GUCY1A2: variants seen among roughly 807,000 people sequenced by gnomAD.
GUCY1A2 encodes the protein guanylate cyclase soluble subunit alpha-2.
A neutral mutation model predicts 63.5 loss-of-function variants in GUCY1A2; 27 were observed. The observed-to-expected ratio is 0.43, with a 90% CI of 0.31 to 0.59. The LOEUF (loss-of-function observed/expected upper bound fraction) is 0.59, where lower values mean the gene tolerates loss of function less well. Ranked by LOEUF, GUCY1A2 falls within the 20% of genes least tolerant of loss-of-function variation. GUCY1A2 has a pLI of 0.11. For synonymous variants in GUCY1A2, 364 were observed against 343.5 expected (o/e 1.06, Z -0.66); for missense variants, 768 against 913.3 (o/e 0.84, Z 2.05).
At chr11:106,762,707 AAT>A (rs1414751081) in intron 6 of GUCY1A2, among the ~76,000 whole-genome samples, 5 of 152,064 alleles carry the variant, frequency 3.3e-5, no homozygotes, top group African/African-American at 1.2e-4. Context: ...TCCCTCTGAA[AAT>A]ATTTTAATTG....
chr11:106,861,929 A>G (rs985456721), intron 4 of GUCY1A2, among the ~76,000 whole-genome samples: 1 of 152,068 alleles, frequency 6.6e-6, no homozygotes, highest in African/African-American at 2.4e-5. Context: ...TAATGGTGAA[A>G]AGAGGAAAAC....
At chr11:106,955,392 T>C (rs1244802709) in intron 3 of GUCY1A2, among the ~76,000 whole-genome samples, 1 of 152,204 alleles carries the variant, frequency 6.6e-6, no homozygotes, top group Non-Finnish European at 1.5e-5. Context: ...AGTTTCTTCA[T>C]GGTGTCATTG....
intron 5 of GUCY1A2, among the ~76,000 whole-genome samples, chr11:106,793,189 C>G (rs1335891546): frequency 1.3e-5 from 2 of 151,520 alleles, no homozygotes; most frequent in Non-Finnish European, 2.9e-5. Flanking sequence ...ACCAATGGGA[C>G]AGAATGAGAT....
chr11:106,787,691 C>A (rs1864587004), intron 5 of GUCY1A2, among the ~76,000 whole-genome samples: 1 of 149,100 alleles, frequency 6.7e-6, no homozygotes, highest in Non-Finnish European at 1.5e-5. Flanking sequence ...CCAGGTCCAT[C>A]CATCTTATCG....
chr11:106,991,280 G>A (rs1321388101), intron 1 of GUCY1A2, among the ~76,000 whole-genome samples: 1 of 152,058 alleles, frequency 6.6e-6, no homozygotes, highest in African/African-American at 2.4e-5. Context: ...TTACAGGCGT[G>A]AGCCACTGTG....
rs543581641 is a variant in GUCY1A2 at position 106,679,642 on chromosome 11, G to A, written c.*7907C>T. ...ACTGAATGCTAGCTCAGCCAGGCAT[G>A]TTATAAAAGGAAAAAATATAGTTTG... On this transcript the variant is annotated 3_prime_UTR_variant, in exon 8 of 8. Coordinates refer to ENST00000526355, the MANE Select transcript of GUCY1A2 (RefSeq NM_000855.3). The A allele has an allele frequency of 1.9e-5, 4 of 213,028 alleles. No individual in the cohort carries two copies. Among genetic ancestry groups the A allele is most frequent in the African/African-American group, 9.0e-5 (4 of 44,302 alleles). 13.2% of individuals were successfully genotyped at this position (213,028 alleles called of 1,614,324 possible).
At chr11:106,941,364 A>C (rs1455603) in intron 3 of GUCY1A2, among the ~76,000 whole-genome samples, 129,464 of 152,136 alleles carry the variant, frequency 0.85, 55,684 homozygotes, top group East Asian at 1. Flanking sequence ...TGAGGATGAT[A>C]TGAGGAAAAA....
intron 4 of GUCY1A2, among the ~76,000 whole-genome samples, chr11:106,821,581 A>AC (rs1334861969): frequency 6.6e-6 from 1 of 152,214 alleles, no homozygotes; most frequent in Non-Finnish European, 1.5e-5. Context: ...AATATATAGC[A>AC]CCACCATTCA....
intron 4 of GUCY1A2, among the ~76,000 whole-genome samples, chr11:106,901,000 C>T (rs985916188): frequency 1.3e-5 from 2 of 152,004 alleles, no homozygotes; most frequent in African/African-American, 4.8e-5. Flanking sequence ...ATTGATTGAC[C>T]CTTACTTTAT....
chr11:106,896,171 A>T (rs1860046641), intron 4 of GUCY1A2, among the ~76,000 whole-genome samples: 3 of 152,008 alleles, frequency 2.0e-5, no homozygotes, highest in Non-Finnish European at 4.4e-5. Context: ...TAATATTTAA[A>T]AATAAATTAA....
intron 4 of GUCY1A2, among the ~76,000 whole-genome samples, chr11:106,901,524 A>G (rs1860132361): frequency 1.3e-5 from 2 of 152,198 alleles, no homozygotes; most frequent in Admixed American, 1.3e-4. Context: ...TTTAAGTTCT[A>G]GTGTACATGT....
At chr11:106,811,594 T>C (rs748147215) in intron 4 of GUCY1A2, among the ~76,000 whole-genome samples, 3 of 152,084 alleles carry the variant, frequency 2.0e-5, no homozygotes, top group Non-Finnish European at 4.4e-5. Context: ...TGGAATAAAC[T>C]ATTGGGATCT....
At chr11:106,696,011 C>T (rs891112673) in intron 7 of GUCY1A2, among the ~76,000 whole-genome samples, 3 of 152,052 alleles carry the variant, frequency 2.0e-5, no homozygotes, top group African/African-American at 4.8e-5. Flanking sequence ...CTGCAACCCA[C>T]CCCAGGAGTA....
intron 6 of GUCY1A2, among the ~76,000 whole-genome samples, chr11:106,742,187 CT>C (rs996232187): frequency 7.9e-5 from 12 of 151,624 alleles, no homozygotes; most frequent in Admixed American, 3.9e-4. Context: ...GATGAATTTT[CT>C]TTTTTTTTCT....
At chr11:106,770,381 T>C (rs544531136) in intron 6 of GUCY1A2, among the ~76,000 whole-genome samples, 2 of 152,258 alleles carry the variant, frequency 1.3e-5, no homozygotes, top group Admixed American at 1.3e-4. Flanking sequence ...ACCTACATTT[T>C]TGACCCACAG....
intron 6 of GUCY1A2, among the ~76,000 whole-genome samples, chr11:106,756,822 T>A (rs1863982824): frequency 6.6e-6 from 1 of 152,094 alleles, no homozygotes; most frequent in African/African-American, 2.4e-5. Flanking sequence ...ACGATTATGT[T>A]TCTTGGGGTT....
intron 4 of GUCY1A2, among the ~76,000 whole-genome samples, chr11:106,914,095 A>C (rs1238765191): frequency 6.6e-6 from 1 of 151,882 alleles, no homozygotes; most frequent in African/African-American, 2.4e-5. Flanking sequence ...GACAGAAAGC[A>C]AAATCTATTT....
chr11:106,987,451 G>C (rs1861416386), intron 1 of GUCY1A2, among the ~76,000 whole-genome samples: 1 of 152,188 alleles, frequency 6.6e-6, no homozygotes, highest in Non-Finnish European at 1.5e-5. Flanking sequence ...AGGAGTTCAA[G>C]ACCATCCTTG....
chr11:106,862,833 C>G (rs1416495443), intron 4 of GUCY1A2, among the ~76,000 whole-genome samples: 1 of 152,038 alleles, frequency 6.6e-6, no homozygotes, highest in South Asian at 2.1e-4. Flanking sequence ...GGACAAAAAT[C>G]CTGGGAAGTG....
Sources: gnomAD v4.1 joint callset for allele counts (sites outside exome capture counted in the v4.1 genomes callset) on GRCh38, gnomAD v4.1.1 for gene constraint, MANE v1.5 for transcripts, NCBI Gene and HGNC (gene_info 2026-07-23, HGNC 2026-07-21) for gene names.